HCLS1: variants seen among roughly 807,000 people sequenced by gnomAD.
The protein encoded by HCLS1 is hematopoietic lineage cell-specific protein.
Under a neutral mutation model 68.6 loss-of-function variants are expected in HCLS1, and 44 were observed. The observed-to-expected ratio is 0.64, with a 90% CI of 0.50 to 0.82. The LOEUF (loss-of-function observed/expected upper bound fraction) is 0.82. Ranked by LOEUF, HCLS1 falls within the 40% of genes least tolerant of loss-of-function variation. HCLS1 has a pLI of 0.00. For missense variants in HCLS1, 602 were observed against 612.1 expected (o/e 0.98, Z 0.17); for synonymous variants, 217 against 225.8 (o/e 0.96, Z 0.35).
chr3:121,641,214 C>T (rs1284358726), intron 6 of HCLS1, among the ~76,000 whole-genome samples: 1 of 151,822 alleles, frequency 6.6e-6, no homozygotes, highest in Non-Finnish European at 1.5e-5. Flanking sequence ...TTAAAAAAAA[C>T]CCGGAGATAT....
At chr3:121,646,289 GTAT>G (rs1223326687) in intron 4 of HCLS1, among the ~76,000 whole-genome samples, 1 of 98,992 alleles carries the variant, frequency 1.0e-5, no homozygotes, top group South Asian at 3.4e-4. Context: ...TATATTTTAT[GTAT>G]TATATTTTAT....
At chr3:121,632,639 G>T in intron 11 of HCLS1, 76 bp from the exon 12 acceptor site, 1 of 1,288,138 alleles carries the variant, frequency 7.8e-7, no homozygotes, top group Non-Finnish European at 1.1e-6. Flanking sequence ...AAGATCCCCC[G>T]CCCTTCACCA....
rs371805159 is a variant in HCLS1 at position 121,633,118 on chromosome 3, G to A, written c.957C>T (p.Thr319=). ...GCAAGGGCACTGGGTGTTCCCTGCTGGTTCTCACAGGCTCAGACTCTGATG... is the reference window on the plus strand; with the variant it reads ...GCAAGGGCACTGGGTGTTCCCTGCTAGTTCTCACAGGCTCAGACTCTGATG... ...PPSSESEPVR[T]SREHPVPLLP... Residue 319 remains threonine (T), a synonymous_variant, in exon 11 of 14, where the codon ACC becomes ACT. Transcript: ENST00000314583. The A allele has an allele frequency of 1.4e-4, 233 of 1,613,214 alleles. No individual in the cohort carries two copies. Among genetic ancestry groups the A allele is most frequent in the Non-Finnish European group, 1.8e-4 (207 of 1,179,682 alleles).
At chr3:121,659,383 C>T (rs1033737417) in intron 1 of HCLS1, among the ~76,000 whole-genome samples, 3 of 152,166 alleles carry the variant, frequency 2.0e-5, no homozygotes, top group African/African-American at 7.2e-5. Flanking sequence ...TGCTAGCTGG[C>T]AATCCTTCCC....
chr3:121,645,389 A>C (rs9873644), intron 4 of HCLS1, among the ~76,000 whole-genome samples: 3 of 151,968 alleles, frequency 2.0e-5, no homozygotes. Flanking sequence ...TATGGCCATC[A>C]AAGTTCAGAA....
chr3:121,640,269 C>T (rs559956316), intron 6 of HCLS1, among the ~76,000 whole-genome samples: 2 of 152,062 alleles, frequency 1.3e-5, no homozygotes, highest in South Asian at 4.1e-4. Flanking sequence ...AAAAAATGTC[C>T]GTTACTATTA....
At chr3:121,657,157 C>G in intron 3 of HCLS1, 122 bp downstream of exon 3, 1 of 770,594 alleles carries the variant, frequency 1.3e-6, no homozygotes, top group Non-Finnish European at 2.2e-6. Flanking sequence ...AAAACAAACA[C>G]AATAATACAT....
chr3:121,642,314 A>G (rs1050922730), intron 6 of HCLS1, among the ~76,000 whole-genome samples: 5 of 145,166 alleles, frequency 3.4e-5, no homozygotes. Context: ...AAAAAAAAAA[A>G]AAAAATTAGC....
intron 8 of HCLS1, among the ~76,000 whole-genome samples, chr3:121,636,062 A>G (rs2049148901): frequency 1.3e-5 from 2 of 152,218 alleles, no homozygotes; most frequent in African/African-American, 4.8e-5. Context: ...CCTAGAATGT[A>G]GCAGGGCCCC....
chr3:121,635,607 T>C (rs2049142761), intron 9 of HCLS1, 128 bp downstream of exon 9: 1 of 739,088 alleles, frequency 1.4e-6, no homozygotes, highest in Non-Finnish European at 2.4e-6. Flanking sequence ...TCTGGGAATA[T>C]GAGGATAGGG....
chr3:121,641,908 C>A (rs1466433639), intron 6 of HCLS1, among the ~76,000 whole-genome samples: 1 of 151,222 alleles, frequency 6.6e-6, no homozygotes, highest in East Asian at 2.0e-4. Context: ...GGTGAAACCC[C>A]GTCTCCACTA....
At position 121,631,950 on chromosome 3, in the gene HCLS1, C is replaced by T. The variant is rs142545513; in HGVS notation, c.1357G>A (p.Asp453Asn). The T allele has an allele frequency of 3.4e-5, 55 of 1,614,082 alleles. No homozygotes were observed. Among genetic ancestry groups the T allele is most frequent in the East Asian group, 2.7e-4 (12 of 44,902 alleles). Residue 453 changes from aspartate (D) to asparagine (N), a missense_variant, in exon 14 of 14, where the codon GAC (aspartate) becomes AAC (asparagine). Transcript: ENST00000314583. Reference sequence around the variant, plus strand: ...ACCATCTCAATGTCAGTGATTACGTCGTCCGGATCAAAGGAAAGCTCATCA... The same window carrying T: ...ACCATCTCAATGTCAGTGATTACGTTGTCCGGATCAAAGGAAAGCTCATCA... Reference protein sequence around the residue: ...GSDELSFDPDDVITDIEMVDE... With the variant: ...GSDELSFDPDNVITDIEMVDE...
intron 4 of HCLS1, 84 bp downstream of exon 4, chr3:121,647,235 C>G: frequency 2.1e-6 from 3 of 1,408,056 alleles, no homozygotes; most frequent in East Asian, 2.3e-5. Context: ...CCCACCTTGG[C>G]CTTCCAAAGT....
intron 6 of HCLS1, among the ~76,000 whole-genome samples, chr3:121,639,916 G>A (rs1456009585): frequency 6.6e-6 from 1 of 152,046 alleles, no homozygotes; most frequent in Non-Finnish European, 1.5e-5. Context: ...ATAAAGATAA[G>A]AGCAGAAACC....
intron 6 of HCLS1, 42 bp downstream of exon 6, chr3:121,642,885 C>A (rs2049213670): frequency 6.6e-7 from 1 of 1,504,028 alleles, no homozygotes; most frequent in African/African-American, 1.4e-5. Context: ...GAAGAGCCTG[C>A]CGGTCAGATT....
chr3:121,641,541 G>C (rs1046861543), intron 6 of HCLS1, among the ~76,000 whole-genome samples: 1 of 152,032 alleles, frequency 6.6e-6, no homozygotes. Flanking sequence ...ATTTTTGTGG[G>C]GTTTATAAGA....
intron 3 of HCLS1, among the ~76,000 whole-genome samples, chr3:121,648,327 C>T (rs1937656211): frequency 1.3e-5 from 2 of 152,190 alleles, no homozygotes; most frequent in Non-Finnish European, 2.9e-5. Context: ...TCTTACTTCA[C>T]ACCCACTTCC....
At chr3:121,633,201 G>C (rs1183781632) in intron 10 of HCLS1, 30 bp from the exon 11 acceptor site, 3 of 1,399,860 alleles carry the variant, frequency 2.1e-6, no homozygotes, top group Non-Finnish European at 2.9e-6. Context: ...TCTCAAGTAA[G>C]CAAGCCTCCA....
chr3:121,639,044 C>T (rs1393596877), intron 6 of HCLS1, among the ~76,000 whole-genome samples: 2 of 150,304 alleles, frequency 1.3e-5, no homozygotes, highest in Non-Finnish European at 2.9e-5. Flanking sequence ...CACACACACA[C>T]ACACACACAC....
Sources: gnomAD v4.1 joint callset for allele counts (sites outside exome capture counted in the v4.1 genomes callset) on GRCh38, gnomAD v4.1.1 for gene constraint, MANE v1.5 for transcripts, NCBI Gene and HGNC (gene_info 2026-07-23, HGNC 2026-07-21) for gene names.